WWOX: variants seen among roughly 807,000 people sequenced by gnomAD.
The protein encoded by WWOX is WW domain containing oxidoreductase.
Under a neutral mutation model 46.2 loss-of-function variants are expected in WWOX, and 69 were observed. The observed-to-expected ratio is 1.49, with a 90% CI of 1.23 to 1.82. WWOX has a LOEUF of 1.82. Among genes scored for constraint, WWOX ranks in the 40% most tolerant of loss-of-function variants. WWOX has a pLI of 0.00. For missense variants in WWOX, 919 were observed against 542.6 expected (o/e 1.69, Z -6.89); for synonymous variants, 359 against 202.6 (o/e 1.77, Z -6.56).
At chr16:78,340,987 G>C (rs13334465) in intron 5 of WWOX, among the ~76,000 whole-genome samples, 26,828 of 117,094 alleles carry the variant, frequency 0.23, 8,548 homozygotes, top group African/African-American at 0.38. Flanking sequence ...TGACACACAG[G>C]TTTCTAAAAG....
At chr16:78,590,739 G>A (rs2151601994) in intron 8 of WWOX, among the ~76,000 whole-genome samples, 1 of 152,258 alleles carries the variant, frequency 6.6e-6, no homozygotes. Flanking sequence ...TGCAAGGTCG[G>A]GTAGATGGGA....
chr16:79,061,767 C>T (rs2048361468), intron 8 of WWOX, among the ~76,000 whole-genome samples: 1 of 148,004 alleles, frequency 6.8e-6, no homozygotes, highest in Admixed American at 6.8e-5. Context: ...AGCATATTAA[C>T]AGCAATACTG....
intron 8 of WWOX, among the ~76,000 whole-genome samples, chr16:78,478,423 C>T (rs894776924): frequency 6.6e-6 from 1 of 152,214 alleles, no homozygotes; most frequent in Non-Finnish European, 1.5e-5. Flanking sequence ...ATTTACCACC[C>T]CGGGGTTCCT....
intron 8 of WWOX, among the ~76,000 whole-genome samples, chr16:78,915,416 G>A (rs2045224955): frequency 6.6e-6 from 1 of 152,160 alleles, no homozygotes; most frequent in East Asian, 1.9e-4. Context: ...ACTCTACAGG[G>A]CAATCATAAA....
At chr16:78,956,686 C>G (rs991890594) in intron 8 of WWOX, among the ~76,000 whole-genome samples, 1 of 152,096 alleles carries the variant, frequency 6.6e-6, no homozygotes. Context: ...TTTTTAATCT[C>G]TTTGTGCACA....
intron 5 of WWOX, among the ~76,000 whole-genome samples, chr16:78,182,479 A>G (rs1221517862): frequency 6.6e-6 from 1 of 151,782 alleles, no homozygotes; most frequent in Non-Finnish European, 1.5e-5. Flanking sequence ...TTTCCTCCCC[A>G]CATCTGCCTC....
chr16:78,691,888 G>A (rs1286577547), intron 8 of WWOX, among the ~76,000 whole-genome samples: 2 of 152,202 alleles, frequency 1.3e-5, no homozygotes, highest in Admixed American at 6.5e-5. Context: ...GACCCAGGGG[G>A]AGGTAATTGA....
intron 8 of WWOX, among the ~76,000 whole-genome samples, chr16:78,540,721 C>T (rs2043871259): frequency 6.6e-6 from 1 of 151,888 alleles, no homozygotes; most frequent in South Asian, 2.1e-4. Flanking sequence ...GGGTCTCATT[C>T]TGTTGCCCCG....
intron 8 of WWOX, chr16:78,891,989 T>A (rs2044600864): frequency 6.6e-6 from 1 of 152,168 alleles, no homozygotes; most frequent in Admixed American, 6.5e-5. Flanking sequence ...ACCTAGGATA[T>A]TTAAGCTGTC....
chr16:78,246,230 T>A (rs1435496443), intron 5 of WWOX, among the ~76,000 whole-genome samples: 1 of 152,230 alleles, frequency 6.6e-6, no homozygotes, highest in African/African-American at 2.4e-5. Flanking sequence ...TACATGGAAT[T>A]AAATACAACC....
chr16:78,267,777 T>G (rs2079397949), intron 5 of WWOX, among the ~76,000 whole-genome samples: 1 of 152,160 alleles, frequency 6.6e-6, no homozygotes, highest in African/African-American at 2.4e-5. Flanking sequence ...ATTGATTGAT[T>G]GATTGATTGT....
intron 8 of WWOX, among the ~76,000 whole-genome samples, chr16:78,978,434 A>C (rs2046615196): frequency 6.6e-6 from 1 of 152,208 alleles, no homozygotes; most frequent in African/African-American, 2.4e-5. Context: ...CAGTGGCTGC[A>C]CCATGTTGCA....
intron 8 of WWOX, among the ~76,000 whole-genome samples, chr16:78,945,232 A>C (rs1597187053): frequency 6.6e-6 from 1 of 152,170 alleles, no homozygotes; most frequent in Non-Finnish European, 1.5e-5. Context: ...ATGTAGAACA[A>C]ATGAAAACCA....
At chr16:78,527,036 C>T (rs184938045) in intron 8 of WWOX, among the ~76,000 whole-genome samples, 2 of 152,204 alleles carry the variant, frequency 1.3e-5, no homozygotes, top group African/African-American at 2.4e-5. Flanking sequence ...TGGTGATGCA[C>T]ACCTGTAATC....
intron 8 of WWOX, among the ~76,000 whole-genome samples, chr16:78,747,828 A>G (rs902567553): frequency 2.6e-5 from 4 of 152,162 alleles, no homozygotes; most frequent in Non-Finnish European, 5.9e-5. Context: ...TCTGTCTCCA[A>G]GCTGCTCCAT....
intron 8 of WWOX, among the ~76,000 whole-genome samples, chr16:78,713,654 A>G (rs1468456283): frequency 6.6e-6 from 1 of 152,168 alleles, no homozygotes; most frequent in Admixed American, 6.5e-5. Flanking sequence ...GTGGCAAAAG[A>G]CACATTGAGG....
At chr16:79,013,976 A>G (rs536239823) in intron 8 of WWOX, among the ~76,000 whole-genome samples, 1 of 152,094 alleles carries the variant, frequency 6.6e-6, no homozygotes, top group Admixed American at 6.5e-5. Context: ...GCCTGTAAGG[A>G]TTTTTTGCTC....
intron 4 of WWOX, among the ~76,000 whole-genome samples, chr16:78,144,429 C>CTATATACATATATATATATATATATATA (rs2034094163): frequency 6.5e-5 from 1 of 15,400 alleles, no homozygotes; most frequent in Non-Finnish European, 1.1e-4. Flanking sequence ...TTTGCCATTA[C>CTATATACATATATATATATATATATATA]TATATATATA....
At chr16:79,080,742 G>C (rs1266794843) in intron 8 of WWOX, among the ~76,000 whole-genome samples, 2 of 152,160 alleles carry the variant, frequency 1.3e-5, no homozygotes, top group African/African-American at 4.8e-5. Context: ...TGAAGTGGGA[G>C]GATCGCTTGA....
Sources: gnomAD v4.1 joint callset for allele counts (sites outside exome capture counted in the v4.1 genomes callset) on GRCh38, gnomAD v4.1.1 for gene constraint, MANE v1.5 for transcripts, NCBI Gene and HGNC (gene_info 2026-07-23, HGNC 2026-07-21) for gene names.